The following SLC5A1 variants were observed in gnomAD, a reference collection of about 807,000 sequenced individuals.
SLC5A1 encodes the protein sodium/glucose cotransporter 1.
SLC5A1 carries 42 observed loss-of-function variants against 73.5 expected under a neutral mutation model. The ratio of observed to expected loss-of-function variants is 0.57; its 90% confidence interval spans 0.45 to 0.74. The LOEUF is 0.74. SLC5A1 is among the 30% of genes least tolerant of loss of function. SLC5A1 has a pLI of 0.00. For missense variants in SLC5A1, 634 were observed against 855.4 expected (o/e 0.74, Z 3.23); for synonymous variants, 300 against 317.4 (o/e 0.95, Z 0.58).
intron 5 of SLC5A1, among the ~76,000 whole-genome samples, chr22:32,069,295 G>A (rs1170279470): frequency 1.3e-5 from 2 of 152,084 alleles, no homozygotes; most frequent in East Asian, 3.9e-4. Flanking sequence ...GGGAGATATT[G>A]GTCAAAGGAT....
intron 3 of SLC5A1, among the ~76,000 whole-genome samples, chr22:32,067,700 C>G (rs2093976090): frequency 6.6e-6 from 1 of 151,948 alleles, no homozygotes; most frequent in Admixed American, 6.6e-5. Flanking sequence ...TCTGTGTAAA[C>G]CAGGGAAGAG....
At chr22:32,093,926 TCA>T (rs1399599105) in intron 11 of SLC5A1, among the ~76,000 whole-genome samples, 2 of 152,216 alleles carry the variant, frequency 1.3e-5, no homozygotes, top group African/African-American at 4.8e-5. Context: ...GTTCCAATTC[TCA>T]GAGGGAATGC....
intron 12 of SLC5A1, among the ~76,000 whole-genome samples, chr22:32,100,432 A>G (rs190054313): frequency 1.3e-5 from 2 of 152,022 alleles, no homozygotes; most frequent in African/African-American, 4.8e-5. Flanking sequence ...AAGGCTTTCA[A>G]TTTTTCCCTG....
At chr22:32,048,150 TAAA>T (rs35309167) in intron 1 of SLC5A1, among the ~76,000 whole-genome samples, 15 of 96,468 alleles carry the variant, frequency 1.6e-4, no homozygotes, top group Admixed American at 2.3e-4. Flanking sequence ...AGACTCCATG[TAAA>T]AAAAAAAAAA....
chr22:32,081,614 T>C (rs1301076691), intron 5 of SLC5A1, among the ~76,000 whole-genome samples: 1 of 152,234 alleles, frequency 6.6e-6, no homozygotes, highest in Non-Finnish European at 1.5e-5. Context: ...AGATGTCATG[T>C]ACCGTGTTCC....
intron 6 of SLC5A1, 143 bp downstream of exon 6, chr22:32,082,114 A>G: frequency 1.4e-6 from 1 of 701,502 alleles, no homozygotes; most frequent in East Asian, 2.7e-5. Flanking sequence ...GTATTTGCTT[A>G]GTACCAACTC....
chr22:32,068,553 T>A lies in SLC5A1; in HGVS notation c.430T>A (p.Tyr144Asn), dbSNP rs2093977915. 1 of 1,613,984 alleles carries A rather than the reference T, an allele frequency of 6.2e-7. No homozygotes were observed. The highest frequency in any genetic ancestry group is 8.5e-7 in the Non-Finnish European group (1 of 1,179,982). Residue 144 changes from tyrosine to asparagine, a missense_variant, in exon 5 of 15, where the codon TAC (tyrosine) becomes AAC (asparagine). Transcript: ENST00000266088. ...GTTTGGAGGCCAGCGGATCCAGGTC[T>A]ACCTTTCCCTTCTGTCCCTGCTGCT... ...KRFGGQRIQV[Y>N]LSLLSLLLYI...
Position 32,084,423 on chromosome 22 carries a change from T to A in SLC5A1, c.665-16T>A. The A allele has an allele frequency of 1.2e-6, 2 of 1,607,668 alleles. No individual in the cohort carries two copies. The highest frequency in any genetic ancestry group is 1.7e-6 in the Non-Finnish European group (2 of 1,174,058). ...GAAGGTTTCAGAATGTTCATTTCTG[T>A]ACCGATGTTTTCCAGCTTTTCACGA... On this transcript the variant is annotated splice_polypyrimidine_tract_variant and intron_variant, in intron 7 of 14. Coordinates refer to ENST00000266088, the MANE Select transcript of SLC5A1 (RefSeq NM_000343.4).
intron 5 of SLC5A1, among the ~76,000 whole-genome samples, chr22:32,074,346 G>A (rs892696606): frequency 1.1e-4 from 16 of 152,212 alleles, no homozygotes; most frequent in African/African-American, 3.9e-4. Flanking sequence ...CCAGGGAGCT[G>A]AGGGACAGCC....
intron 11 of SLC5A1, among the ~76,000 whole-genome samples, chr22:32,094,518 G>C (rs1413934072): frequency 6.6e-6 from 1 of 152,076 alleles, no homozygotes; most frequent in African/African-American, 2.4e-5. Context: ...CAACTTCGCT[G>C]CTTGCTAATG....
chr22:32,086,910 A>G (rs1311724487), intron 10 of SLC5A1, among the ~76,000 whole-genome samples: 1 of 152,220 alleles, frequency 6.6e-6, no homozygotes, highest in Non-Finnish European at 1.5e-5. Context: ...TATATACACA[A>G]TGGGATACTA....
chr22:32,046,767 C>T (rs1181401329), intron 1 of SLC5A1, among the ~76,000 whole-genome samples: 3 of 152,204 alleles, frequency 2.0e-5, no homozygotes, highest in Non-Finnish European at 4.4e-5. Context: ...GGAGATAGAA[C>T]CCAAGTAAAC....
Position 32,099,332 on chromosome 22 carries a change from G to A in SLC5A1, c.1430G>A (p.Trp477Ter). 2 of 1,612,832 alleles carry A rather than the reference G, an allele frequency of 1.2e-6. No homozygotes were observed. Among genetic ancestry groups the A allele is most frequent in the African/African-American group, 2.7e-5 (2 of 74,892 alleles). The change falls in exon 12 of 15, where the codon TGG becomes TAG. Residue 477 changes from tryptophan to a stop codon, truncating the protein, a stop_gained. Coordinates refer to ENST00000266088, the MANE Select transcript of SLC5A1 (RefSeq NM_000343.4). LOFTEE classifies it high-confidence loss of function. ...GCTGTCTTCCTGCTTGCTATTTTCT[G>A]GAAGAGAGTCAATGAGCCAGTAGGT... The part of the protein sequence containing the change: ...IAAVFLLAIF[W>*]KRVNEPGAFW...
At chr22:32,068,378 G>A (rs1422355398) in intron 4 of SLC5A1, 118 bp from the exon 5 acceptor site, 1 of 795,490 alleles carries the variant, frequency 1.3e-6, no homozygotes, top group Non-Finnish European at 2.2e-6. Flanking sequence ...GCCAGCAAAA[G>A]TTATGAATCC....
chr22:32,108,149 C>T (rs187136796), intron 14 of SLC5A1, among the ~76,000 whole-genome samples: 2 of 151,674 alleles, frequency 1.3e-5, no homozygotes, highest in Middle Eastern at 3.4e-3. Flanking sequence ...CTCTGTCACC[C>T]AGGTTGGAGT....
chr22:32,091,259 C>A (rs2094016766), intron 10 of SLC5A1, among the ~76,000 whole-genome samples: 1 of 150,556 alleles, frequency 6.6e-6, no homozygotes, highest in South Asian at 2.1e-4. Flanking sequence ...AGGTGAGAGA[C>A]CTTATAAAAA....
chr22:32,098,218 AAT>A (rs1225418131), intron 11 of SLC5A1, among the ~76,000 whole-genome samples: 2 of 152,244 alleles, frequency 1.3e-5, no homozygotes, highest in African/African-American at 4.8e-5. Flanking sequence ...AGAATGAAAA[AAT>A]ATGTTTGTAA....
At chr22:32,084,856 G>A (rs372479092) in intron 8 of SLC5A1, 44 bp from the exon 9 acceptor site, 1 of 1,612,722 alleles carries the variant, frequency 6.2e-7, no homozygotes, top group Non-Finnish European at 8.5e-7. Flanking sequence ...GGTGTCACAG[G>A]GTCTCTGGTC....
At chr22:32,104,641 G>C in intron 13 of SLC5A1, 145 bp from the exon 14 acceptor site, 1 of 701,680 alleles carries the variant, frequency 1.4e-6, no homozygotes, top group East Asian at 2.7e-5. Flanking sequence ...TAATGTTATG[G>C]ATGAGAATCG....
Sources: allele counts gnomAD v4.1 joint callset (sites outside exome capture counted in the v4.1 genomes callset), GRCh38; gene constraint gnomAD v4.1.1; transcripts MANE v1.5; gene names NCBI Gene and HGNC (gene_info 2026-07-23, HGNC 2026-07-21).